The following CCNF variants were observed in gnomAD, a reference collection of about 807,000 sequenced individuals.
CCNF encodes the protein cyclin-F.
In CCNF, 30 loss-of-function variants were observed where a neutral mutation model predicts 85.4. The observed-to-expected ratio is 0.35, with a 90% CI of 0.26 to 0.48. The LOEUF (loss-of-function observed/expected upper bound fraction) is 0.48, where lower values mean the gene tolerates loss of function less well. Ranked by LOEUF, CCNF falls within the 20% of genes least tolerant of loss-of-function variation. The probability of loss-of-function intolerance (pLI) is 0.99; values close to 1 mark genes in which losing one functional copy is unlikely to be tolerated. For synonymous variants in CCNF, 439 were observed against 425.1 expected (o/e 1.03, Z -0.40); for missense variants, 919 against 1,010.4 (o/e 0.91, Z 1.23).
At chr16:2,435,709 T>A in intron 3 of CCNF, 97 bp from the exon 4 acceptor site, 1 of 576,620 alleles carries the variant, frequency 1.7e-6, no homozygotes, top group Non-Finnish European at 3.2e-6. Context: ...ATATATTCAA[T>A]TCAGGGAACA....
Position 2,457,102 on chromosome 16 carries a change from A to G in CCNF, c.*82A>G. 9.4e-7 allele frequency: 1 copy of G among 1,062,992 alleles called. No homozygotes were observed. The highest frequency in any genetic ancestry group is 1.3e-6 in the Non-Finnish European group (1 of 741,454). The allele number at this position is 1,062,992 out of a possible 1,614,324, so 65.8% of individuals were successfully genotyped here. On this transcript the variant is annotated 3_prime_UTR_variant, in exon 17 of 17. Coordinates refer to ENST00000397066, the MANE Select transcript of CCNF (RefSeq NM_001761.3). ...TGGGAGCATAGCATAGGAACGCTGC[A>G]TAGACCATGGAGGCCTTTGCGCAGA...
chr16:2,437,365 G>A, intron 5 of CCNF, 43 bp downstream of exon 5: 2 of 1,479,900 alleles, frequency 1.4e-6, no homozygotes, highest in Non-Finnish European at 1.8e-6. Flanking sequence ...CCACCTGCAG[G>A]GTCCCAGGAC....
chr16:2,443,710 G>C lies in CCNF; in HGVS notation c.839G>C (p.Ser280Thr), dbSNP rs758720929. The C allele has an allele frequency of 6.2e-7, 1 of 1,614,176 alleles. No individual in the cohort carries two copies. Among genetic ancestry groups the C allele is most frequent in the African/African-American group, 1.3e-5 (1 of 75,036 alleles). ...NQLGLEVRAS[S>T]EIVCQLFQAS... is the part of the protein sequence containing the mutation. ...CTTGGACTGGAGGTGAGAGCTTCCA[G>C]TGAGATCGTCTGCCAGCTATTTCAG... Residue 280 changes from serine to threonine, a missense_variant, in exon 9 of 17, where the codon AGT becomes ACT. Ser to Thr is a moderately conservative substitution (Grantham distance 58). Around this residue, in one of 3 missense-constraint regions of CCNF, gnomAD observed 410 missense variants for 478.6 expected, o/e 0.86. Coordinates refer to ENST00000397066, the MANE Select transcript of CCNF (RefSeq NM_001761.3).
At chr16:2,431,584 G>T (rs913369808) in intron 2 of CCNF, among the ~76,000 whole-genome samples, 2 of 151,128 alleles carry the variant, frequency 1.3e-5, no homozygotes, top group African/African-American at 4.9e-5. Flanking sequence ...GGAGGCTGAG[G>T]CGGGAAAATT....
chr16:2,434,950 T>C (rs4306510), intron 3 of CCNF, among the ~76,000 whole-genome samples: 150,002 of 152,312 alleles, frequency 0.98, 73,870 homozygotes, highest in East Asian at 1. Context: ...TCGTATTTGA[T>C]TACATGTTAT....
Position 2,452,948 on chromosome 16 carries a change from T to G in CCNF, c.1488-262T>G. 7.7e-6 allele frequency: 4 copies of G among 519,020 alleles called. No individual in the cohort carries two copies. The highest frequency in any genetic ancestry group is 3.3e-5 in the East Asian group (1 of 30,140). 32.2% of individuals were successfully genotyped at this position (519,020 alleles called of 1,614,324 possible). ...TTATCCATCCCGCAGCTGGTGGACATTTTGCCTATTGTGAACAGTCCTGCC... is the reference window on the plus strand; with the variant it reads ...TTATCCATCCCGCAGCTGGTGGACAGTTTGCCTATTGTGAACAGTCCTGCC... On this transcript the variant is annotated intron_variant, in intron 13 of 16. Transcript: ENST00000397066. This position sits in a 1 kb window ranked among gnomAD's most constrained non-coding sequence, Gnocchi z 4.1.
At chr16:2,442,780 ATAT>A (rs538660211) in intron 8 of CCNF, among the ~76,000 whole-genome samples, 5,316 of 11,910 alleles carry the variant, frequency 0.45, 2,435 homozygotes, top group African/African-American at 0.88. Flanking sequence ...ATCATATATA[ATAT>A]TATATATTAT....
chr16:2,443,564 GGT>G lies in CCNF; in HGVS notation c.778-83_778-82del. On this transcript the variant is annotated intron_variant, in intron 8 of 16. Transcript: ENST00000397066. ...TAGGGCAGTGTGTCCACATGCATTT[GGT>G]GCCTGAATGGGCCTTTGCTTCAGAA... The G allele has an allele frequency of 2.2e-6, 3 of 1,386,888 alleles. No homozygotes were observed. The South Asian group carries it at 3.7e-5, about 17-fold the overall frequency. The allele number at this position is 1,386,888 out of a possible 1,614,324, so 85.9% of individuals were successfully genotyped here.
chr16:2,429,497 G>A lies in CCNF; in HGVS notation c.16G>A (p.Val6Met). Reference sequence around the variant, plus strand: ...GAGCGCGGCGATGGGGAGCGGCGGCGGTGAGTGCGGGGCGATGTCCGCTGG... The same window carrying A: ...GAGCGCGGCGATGGGGAGCGGCGGCAGTGAGTGCGGGGCGATGTCCGCTGG... MGSGGVVHCRCAKCFC... is the reference protein window; with the variant it reads MGSGGMVHCRCAKCFC... Residue 6 changes from valine to methionine, a missense_variant and splice_region_variant, in exon 1 of 17, where the codon GTG becomes ATG. This residue lies in a region of CCNF where 410 missense variants were observed against 478.6 expected (regional missense o/e 0.86). Coordinates refer to ENST00000397066, the MANE Select transcript of CCNF (RefSeq NM_001761.3). The A allele has an allele frequency of 8.1e-7, 1 of 1,232,332 alleles. No homozygotes were observed. Among genetic ancestry groups the A allele is most frequent in the Non-Finnish European group, 1.0e-6 (1 of 988,098 alleles). 76.3% of individuals were successfully genotyped at this position (1,232,332 alleles called of 1,614,324 possible).
chr16:2,444,631 C>T (rs2065351747), intron 9 of CCNF, among the ~76,000 whole-genome samples: 1 of 151,882 alleles, frequency 6.6e-6, no homozygotes, highest in African/African-American at 2.4e-5. Flanking sequence ...GGGTCTGGCT[C>T]TGTCACCCAG....
rs2065357852 is a variant in CCNF, at chr16:2,445,634, C to T, written c.1094+12C>T. On this transcript the variant is annotated intron_variant, in intron 10 of 16. Transcript: ENST00000397066. ...GTCATCTGCACCCGGTGAGAAGCCC[C>T]CTTGGCCCAGCTGGCAGGGACGTGC... The T allele has an allele frequency of 1.9e-6, 3 of 1,608,918 alleles. No individual in the cohort carries two copies. Among genetic ancestry groups the T allele is most frequent in the South Asian group, 2.2e-5 (2 of 90,938 alleles).
At chr16:2,431,592 A>G (rs1045995882) in intron 2 of CCNF, among the ~76,000 whole-genome samples, 1 of 149,992 alleles carries the variant, frequency 6.7e-6, no homozygotes, top group East Asian at 2.0e-4. Flanking sequence ...AGGCGGGAAA[A>G]TTGCTTGAAC....
At chr16:2,438,229 A>C in intron 6 of CCNF, 106 bp downstream of exon 6, 3 of 872,788 alleles carry the variant, frequency 3.4e-6, no homozygotes, top group Admixed American at 1.7e-5. Context: ...CCCAAAACAA[A>C]AGGCAAGCCT....
At position 2,452,767 on chromosome 16, in the gene CCNF, T is replaced by A. The variant is rs2065402002; in HGVS notation, c.1488-443T>A. 4.8e-6 allele frequency: 1 copy of A among 207,754 alleles called. No homozygotes were observed. Among genetic ancestry groups the A allele is most frequent in the African/African-American group, 2.3e-5 (1 of 43,040 alleles). 12.9% of individuals were successfully genotyped at this position (207,754 alleles called of 1,614,324 possible). ...CTGTCCATGGATGTTTCCCATTCTG[T>A]ACATTCCATATAAATGGCGTCATCG... On this transcript the variant is annotated intron_variant, in intron 13 of 16. Transcript: ENST00000397066. The surrounding 1 kb of genome is among the most constrained non-coding windows in gnomAD (Gnocchi z 4.1).
intron 3 of CCNF, 40 bp downstream of exon 3, chr16:2,433,107 C>T (rs746151719): frequency 1.5e-6 from 2 of 1,309,400 alleles, no homozygotes; most frequent in South Asian, 2.5e-5. Flanking sequence ...CTTCTCCTGC[C>T]TTGGCCTCCC....
At chr16:2,454,533 C>T (rs2065414013) in intron 15 of CCNF, among the ~76,000 whole-genome samples, 1 of 152,210 alleles carries the variant, frequency 6.6e-6, no homozygotes, top group Non-Finnish European at 1.5e-5. Flanking sequence ...CCACGGGTGA[C>T]ACTGGGATAG....
chr16:2,449,786 T>TCCCCACCAA, intron 12 of CCNF, 42 bp from the exon 13 acceptor site: 1 of 720,654 alleles, frequency 1.4e-6, no homozygotes, highest in Non-Finnish European at 2.2e-6. Context: ...ATCCCCTCCG[T>TCCCCACCAA]CCCCTCCATC....
chr16:2,434,680 T>C (rs73488284), intron 3 of CCNF, among the ~76,000 whole-genome samples: 1 of 152,364 alleles, frequency 6.6e-6, no homozygotes, highest in African/African-American at 2.4e-5. Context: ...CTGAGAGTTG[T>C]ACAGACATCA....
At chr16:2,431,031 A>T in intron 1 of CCNF, 99 bp from the exon 2 acceptor site, 1 of 1,213,352 alleles carries the variant, frequency 8.2e-7, no homozygotes, top group Non-Finnish European at 1.2e-6. Context: ...CCATTAGATC[A>T]TCTTCAGATG....
Sources: allele counts gnomAD v4.1 joint callset (sites outside exome capture counted in the v4.1 genomes callset), GRCh38; gene constraint gnomAD v4.1.1; regional missense constraint gnomAD v4.1.1; non-coding constraint Gnocchi (gnomAD v3.1); transcripts MANE v1.5; gene names NCBI Gene and HGNC (gene_info 2026-07-23, HGNC 2026-07-21).